FMN1: variants seen among roughly 807,000 people sequenced by gnomAD.
FMN1 encodes formin 1.
FMN1 carries 110 observed loss-of-function variants against 132.4 expected under a neutral mutation model. That is an observed-to-expected ratio of 0.83 (90% CI 0.71 to 0.97). The LOEUF is 0.97. Among genes scored for constraint, FMN1 ranks in the 50% least tolerant of loss-of-function variants. The pLI is 0.00. For missense variants in FMN1, 1,792 were observed against 1,705.3 expected (o/e 1.05, Z -0.90); for synonymous variants, 722 against 651.7 (o/e 1.11, Z -1.64).
intron 15 of FMN1, among the ~76,000 whole-genome samples, chr15:32,893,461 A>G (rs2060081850): frequency 1.3e-5 from 2 of 152,252 alleles, no homozygotes; most frequent in African/African-American, 4.8e-5. Flanking sequence ...AAAGCTGCTT[A>G]ATTAGAGTTA....
chr15:32,955,635 C>A (rs965505897), intron 9 of FMN1, among the ~76,000 whole-genome samples: 1 of 152,208 alleles, frequency 6.6e-6, no homozygotes, highest in Admixed American at 6.5e-5. Context: ...TCAAAACTTC[C>A]CTCAACGAGA....
chr15:33,025,020 A>G (rs2035600816), intron 6 of FMN1, among the ~76,000 whole-genome samples: 1 of 152,198 alleles, frequency 6.6e-6, no homozygotes, highest in Non-Finnish European at 1.5e-5. Context: ...AAACCATACT[A>G]TCCACTGTTT....
At chr15:33,121,728 C>T (rs965891993) in intron 4 of FMN1, among the ~76,000 whole-genome samples, 5 of 152,122 alleles carry the variant, frequency 3.3e-5, no homozygotes, top group Non-Finnish European at 7.3e-5. Context: ...AAGATTTCAC[C>T]ATGTTGGCCA....
chr15:32,974,911 T>C (rs2140712815), intron 7 of FMN1, among the ~76,000 whole-genome samples: 1 of 152,362 alleles, frequency 6.6e-6, no homozygotes, highest in African/African-American at 2.4e-5. Flanking sequence ...AGAATAGTTA[T>C]TCTACACAGC....
At chr15:32,846,656 T>A (rs1179147312) in intron 17 of FMN1, among the ~76,000 whole-genome samples, 1 of 152,196 alleles carries the variant, frequency 6.6e-6, no homozygotes, top group East Asian at 1.9e-4. Flanking sequence ...GTGTGGCGAT[T>A]CCTCAAGGAT....
chr15:33,066,252 T>C (rs1300175742), intron 5 of FMN1, among the ~76,000 whole-genome samples: 1 of 152,252 alleles, frequency 6.6e-6, no homozygotes, highest in Non-Finnish European at 1.5e-5. Context: ...ACGTTTAAAT[T>C]CACGGTGACA....
intron 6 of FMN1, among the ~76,000 whole-genome samples, chr15:33,047,664 G>A (rs564938386): frequency 6.6e-6 from 1 of 152,290 alleles, no homozygotes; most frequent in East Asian, 1.9e-4. Flanking sequence ...GAGTTATCAA[G>A]GGTATCAGGA....
chr15:33,072,386 A>G lies in FMN1; in HGVS notation c.2044-7312T>C, dbSNP rs150669040. Reference sequence around the variant, plus strand: ...GAGGATTTGGGTATATGGGTGATCAATCTTCCAAGTAGATGGAGGGACAAC... The same window carrying G: ...GAGGATTTGGGTATATGGGTGATCAGTCTTCCAAGTAGATGGAGGGACAAC... On this transcript the variant is annotated intron_variant, in intron 5 of 20. Transcript: ENST00000616417. Among the ~76,000 whole-genome samples, 183 of 152,282 alleles carry G rather than the reference A, an allele frequency of 1.2e-3. 5 individuals carry two copies. The highest frequency in any genetic ancestry group is 8.1e-3 in the Admixed American group (124 of 15,292).
chr15:32,938,292 GT>G (rs2061325731), intron 9 of FMN1, among the ~76,000 whole-genome samples: 1 of 152,138 alleles, frequency 6.6e-6, no homozygotes, highest in Non-Finnish European at 1.5e-5. Flanking sequence ...AACTTGAGAG[GT>G]CGAGGTGGGT....
chr15:33,034,010 G>C (rs751922640), intron 6 of FMN1, among the ~76,000 whole-genome samples: 6 of 152,010 alleles, frequency 3.9e-5, no homozygotes, highest in Non-Finnish European at 8.8e-5. Context: ...GGTCCCCTGG[G>C]TCAGTCCTGG....
intron 17 of FMN1, among the ~76,000 whole-genome samples, chr15:32,828,698 CAGA>C (rs1180395578): frequency 6.6e-6 from 1 of 152,284 alleles, no homozygotes; most frequent in African/African-American, 2.4e-5. Flanking sequence ...ACGACTCAGA[CAGA>C]AGAAGGGATT....
intron 19 of FMN1, among the ~76,000 whole-genome samples, chr15:32,784,576 AC>A (rs777811965): frequency 2.6e-5 from 4 of 152,070 alleles, no homozygotes; most frequent in Non-Finnish European, 5.9e-5. Context: ...GACAGCCATA[AC>A]CACAAGATTT....
chr15:33,088,891 C>T lies in FMN1; in HGVS notation c.1951G>A (p.Val651Ile). 3.3e-6 allele frequency: 5 copies of T among 1,535,974 alleles called. No individual in the cohort carries two copies. The highest frequency in any genetic ancestry group is 4.4e-6 in the Non-Finnish European group (5 of 1,146,844). The change falls in exon 5 of 21, where the codon GTT (valine) becomes ATT (isoleucine). Residue 651 changes from valine to isoleucine, a missense_variant. This residue lies in a region of FMN1 where 1,150 missense variants were observed against 1,043.1 expected (regional missense o/e 1.10). Transcript: ENST00000616417. ...GCTGGTCCCGCTCTGTAGCCCAGAA[C>T]CCACGCGCCTCCATCTCTGTTGGGA... The part of the protein sequence containing the change: ...DLPNRDGGAW[V>I]LGYRAGPACP...
At chr15:33,110,604 G>A (rs1490586516) in intron 4 of FMN1, among the ~76,000 whole-genome samples, 1 of 151,908 alleles carries the variant, frequency 6.6e-6, no homozygotes, top group Non-Finnish European at 1.5e-5. Flanking sequence ...AATAATATCA[G>A]TAAAACACGT....
intron 19 of FMN1, among the ~76,000 whole-genome samples, chr15:32,785,236 T>TTTTTTTTTTG (rs2056836427): frequency 8.6e-6 from 1 of 115,856 alleles, no homozygotes; most frequent in African/African-American, 3.1e-5. Context: ...TTTTTTTTTT[T>TTTTTTTTTTG]TGTAGAGATG....
chr15:32,847,625 T>TTA (rs1197516651), intron 17 of FMN1, among the ~76,000 whole-genome samples: 2 of 152,002 alleles, frequency 1.3e-5, no homozygotes, highest in Middle Eastern at 3.2e-3. Flanking sequence ...GAGGCCGAGG[T>TTA]GGGCGGATCA....
chr15:33,138,709 T>A (rs1402305592), intron 4 of FMN1, among the ~76,000 whole-genome samples: 3 of 152,150 alleles, frequency 2.0e-5, no homozygotes, highest in African/African-American at 7.2e-5. Flanking sequence ...GAGCTATGAT[T>A]TAGGGCTCCA....
chr15:33,113,404 C>CA (rs1276127040), intron 4 of FMN1, among the ~76,000 whole-genome samples: 3 of 135,182 alleles, frequency 2.2e-5, no homozygotes, highest in Admixed American at 7.8e-5. Flanking sequence ...GATTTCATTC[C>CA]AGCCTTTCTT....
chr15:33,172,991 C>T (rs773290545), intron 3 of FMN1, among the ~76,000 whole-genome samples: 4 of 152,040 alleles, frequency 2.6e-5, no homozygotes, highest in Non-Finnish European at 5.9e-5. Context: ...ATTGATCTTG[C>T]CAGAGGTTTT....
Sources: gnomAD v4.1 joint callset for allele counts (sites outside exome capture counted in the v4.1 genomes callset) on GRCh38, gnomAD v4.1.1 for gene constraint, gnomAD v4.1.1 regional missense constraint, MANE v1.5 for transcripts, NCBI Gene and HGNC (gene_info 2026-07-23, HGNC 2026-07-21) for gene names.